The following TLR5 variants were observed in gnomAD, a reference collection of about 807,000 sequenced individuals.
TLR5 encodes toll like receptor 5.
For missense variants in TLR5, 944 were observed against 999.8 expected (o/e 0.94, Z 0.75); for synonymous variants, 373 against 384.4 (o/e 0.97, Z 0.35).
At chr1:223,139,965 T>A (rs1412504305) in intron 2 of TLR5, among the ~76,000 whole-genome samples, 1 of 152,212 alleles carries the variant, frequency 6.6e-6, no homozygotes, top group Non-Finnish European at 1.5e-5. Flanking sequence ...CAAATTCGGC[T>A]CAGGGGAGCC....
chr1:223,140,843 G>A (rs1264669899), intron 2 of TLR5, among the ~76,000 whole-genome samples: 1 of 152,202 alleles, frequency 6.6e-6, no homozygotes, highest in Admixed American at 6.5e-5. Flanking sequence ...GCTAGCAGAT[G>A]CTGCCACATA....
chr1:223,110,522 A>G lies in TLR5; in HGVS notation c.2510T>C (p.Leu837Pro). The stretch of plus-strand genomic sequence containing the variant: ...TTTCTTCTTTTCTTTTTCTTTCTTT[A>G]GTATCTGTTGAGAGAGTTTATGAAG... ...WFLHKLSQQI[L>P]KKEKEKKKDN... Residue 837 changes from leucine to proline, a missense_variant, in exon 6 of 6, where the codon CTA (leucine) becomes CCA (proline). Leu to Pro is a moderately conservative substitution (Grantham distance 98). Transcript: ENST00000642603. The G allele has an allele frequency of 6.2e-7, 1 of 1,614,080 alleles. No individual in the cohort carries two copies. The highest frequency in any genetic ancestry group is 8.5e-7 in the Non-Finnish European group (1 of 1,180,000).
intron 5 of TLR5, among the ~76,000 whole-genome samples, chr1:223,116,995 G>T (rs987585195): frequency 6.6e-6 from 1 of 152,186 alleles, no homozygotes; most frequent in African/African-American, 2.4e-5. Context: ...CGATGGGACC[G>T]GGCGCCGTGG....
At position 223,111,462 on chromosome 1, in the gene TLR5, G is replaced by A. The variant is rs1387926793; in HGVS notation, c.1570C>T (p.His524Tyr). ...LNSLPPGVFSHLTALRGLSLN... is the reference protein window; with the variant it reads ...LNSLPPGVFSYLTALRGLSLN... ...CTTAGTCCCCTTAATGCAGTCAGAT[G>A]GCTAAATACTCCTGGTGGAAGGGAA... The change falls in exon 6 of 6, where the codon CAT (histidine) becomes TAT (tyrosine). Residue 524 changes from histidine to tyrosine, a missense_variant. His to Tyr is a moderately conservative substitution (Grantham distance 83, BLOSUM62 2). Coordinates refer to ENST00000642603, the MANE Select transcript of TLR5 (RefSeq NM_003268.6). 1.2e-6 allele frequency: 2 copies of A among 1,614,112 alleles called. No individual in the cohort carries two copies. The highest frequency in any genetic ancestry group is 3.3e-5 in the Admixed American group (2 of 60,016).
intron 5 of TLR5, among the ~76,000 whole-genome samples, chr1:223,117,280 C>A (rs140261033): frequency 6.6e-6 from 1 of 152,184 alleles, no homozygotes; most frequent in South Asian, 2.1e-4. Flanking sequence ...CGCGCTGGCC[C>A]GTGAGCACCC....
At chr1:223,140,036 G>A (rs1415660259) in intron 2 of TLR5, among the ~76,000 whole-genome samples, 1 of 152,164 alleles carries the variant, frequency 6.6e-6, no homozygotes, top group East Asian at 1.9e-4. Context: ...TAACTCCTAT[G>A]GACAATACGG....
chr1:223,119,197 GA>G, intron 5 of TLR5, among the ~76,000 whole-genome samples: 1 of 152,228 alleles, frequency 6.6e-6, no homozygotes, highest in South Asian at 2.1e-4. Context: ...ACACGTGCAT[GA>G]CAGTCCCGTA....
chr1:223,136,335 A>G (rs974154943), intron 3 of TLR5, among the ~76,000 whole-genome samples: 1 of 152,066 alleles, frequency 6.6e-6, no homozygotes, highest in African/African-American at 2.4e-5. Context: ...AGATACCTGC[A>G]CCCGAGCCCC....
chr1:223,121,569 A>G (rs928385164), intron 5 of TLR5, among the ~76,000 whole-genome samples: 2 of 152,184 alleles, frequency 1.3e-5, no homozygotes, highest in African/African-American at 4.8e-5. Context: ...TCCAGGCTGG[A>G]GTGCAGTGGT....
Position 223,112,438 on chromosome 1 carries a change from G to A in TLR5, c.594C>T (p.Leu198=), listed in dbSNP as rs751057685. The part of the protein sequence containing the change: ...HELEPLQGKT[L]SFFSLAANSL... ...TATTAGCTGCGAGGCTAAAAAAGGA[G>A]AGCGTTTTCCCTTGTAGGGGCTCGA... The change falls in exon 6 of 6, where the codon CTC becomes CTT. Residue 198 remains leucine, a synonymous_variant. Coordinates refer to ENST00000642603, the MANE Select transcript of TLR5 (RefSeq NM_003268.6). 2 of 1,614,236 alleles carry A rather than the reference G, an allele frequency of 1.2e-6. No homozygotes were observed. The highest frequency in any genetic ancestry group is 2.2e-5 in the East Asian group (1 of 44,888).
At position 223,111,196 on chromosome 1, in the gene TLR5, G is replaced by A; in HGVS notation, c.1836C>T (p.Tyr612=). The A allele has an allele frequency of 6.2e-7, 1 of 1,614,142 alleles. No individual in the cohort carries two copies. The highest frequency in any genetic ancestry group is 8.5e-7 in the Non-Finnish European group (1 of 1,180,020). Residue 612 remains tyrosine (Y), a synonymous_variant, in exon 6 of 6, where the codon TAC becomes TAT. Coordinates refer to ENST00000642603, the MANE Select transcript of TLR5 (RefSeq NM_003268.6). The part of the protein sequence containing the change: ...AGPPADIYCV[Y]PDSFSGVSLF... ...GGGAAACCCCAGAGAACGAGTCAGGGTACACACAATATATGTCTGCAGGAG... is the reference window on the plus strand; with the variant it reads ...GGGAAACCCCAGAGAACGAGTCAGGATACACACAATATATGTCTGCAGGAG...
At chr1:223,120,740 G>A (rs1398953820) in intron 5 of TLR5, among the ~76,000 whole-genome samples, 1 of 152,188 alleles carries the variant, frequency 6.6e-6, no homozygotes, top group Non-Finnish European at 1.5e-5. Context: ...ATTTATGTGT[G>A]AGCAAATTTA....
chr1:223,139,854 G>C (rs1657765551), intron 2 of TLR5, among the ~76,000 whole-genome samples: 1 of 152,180 alleles, frequency 6.6e-6, no homozygotes, highest in South Asian at 2.1e-4. Context: ...CACATAACCT[G>C]TGCCTTCTAC....
chr1:223,141,834 G>GAC (rs1558137266), intron 1 of TLR5, 71 bp from the exon 2 acceptor site: 4 of 142,688 alleles, frequency 2.8e-5, no homozygotes, highest in African/African-American at 1.0e-4. Context: ...GAGAGAGAGA[G>GAC]AGAGAGAGAG....
At chr1:223,120,911 A>G (rs1177038761) in intron 5 of TLR5, among the ~76,000 whole-genome samples, 2 of 152,156 alleles carry the variant, frequency 1.3e-5, no homozygotes, top group African/African-American at 4.8e-5. Context: ...GCAAAAACCC[A>G]TATCTACCAA....
chr1:223,130,536 A>T (rs1278190023), intron 5 of TLR5, among the ~76,000 whole-genome samples: 1 of 152,162 alleles, frequency 6.6e-6, no homozygotes, highest in Non-Finnish European at 1.5e-5. Flanking sequence ...GGCCGGTCTG[A>T]GAAGGACTTG....
In TLR5 at chr1:223,110,168, C is replaced by A. The variant is rs5744181; in HGVS notation, c.*287G>T. On this transcript the variant is annotated 3_prime_UTR_variant, in exon 6 of 6. Coordinates refer to ENST00000642603, the MANE Select transcript of TLR5 (RefSeq NM_003268.6). Reference sequence around the variant, plus strand: ...CCCTTCCCATGATTAGGATACATTCCATAATCAACACAGCAGGACAGAACG... The same window carrying A: ...CCCTTCCCATGATTAGGATACATTCAATAATCAACACAGCAGGACAGAACG... The A allele has an allele frequency of 2.9e-4, 127 of 435,506 alleles. No individual in the cohort carries two copies. Among genetic ancestry groups the A allele is most frequent in the African/African-American group, 2.4e-3 (121 of 50,072 alleles). The allele number at this position is 435,506 out of a possible 1,614,324, so 27.0% of individuals were successfully genotyped here. A position where few individuals can be genotyped will look rare whatever the true frequency, so the allele number is the denominator to read the frequency against.
At chr1:223,133,924 G>A (rs946272580) in intron 4 of TLR5, among the ~76,000 whole-genome samples, 2 of 152,220 alleles carry the variant, frequency 1.3e-5, no homozygotes, top group Non-Finnish European at 2.9e-5. Flanking sequence ...GCGGGGAGCT[G>A]CAAGCGTCCC....
rs80137313 is a variant in TLR5, at chr1:223,119,118, G to T, written c.-4-6083C>A. Among the ~76,000 whole-genome samples, 1,096 of 151,994 alleles carry T rather than the reference G, an allele frequency of 7.2e-3. 12 individuals carry two copies. Among genetic ancestry groups the T allele is most frequent in the African/African-American group, 0.025 (1,049 of 41,440 alleles). ...GACTCCATCTCAAAAGAAAAGAAAA[G>T]AAATGAAAAAGAAGAGAAAGAAAGT... is the stretch of plus-strand genomic sequence containing the variant. On this transcript the variant is annotated intron_variant, in intron 5 of 5. Transcript: ENST00000642603.
Sources: gnomAD v4.1 joint callset for allele counts (sites outside exome capture counted in the v4.1 genomes callset) on GRCh38, gnomAD v4.1.1 for gene constraint, MANE v1.5 for transcripts, NCBI Gene and HGNC (gene_info 2026-07-23, HGNC 2026-07-21) for gene names.